The following PTPRD variants were observed in gnomAD, a reference collection of about 807,000 sequenced individuals.
PTPRD encodes the protein receptor-type tyrosine-protein phosphatase delta.
PTPRD carries 34 observed loss-of-function variants against 214.5 expected under a neutral mutation model. The ratio of observed to expected loss-of-function variants is 0.16; its 90% CI spans 0.12 to 0.21. The LOEUF is 0.21. PTPRD is among the 10% of genes least tolerant of loss of function. The pLI, the probability that PTPRD is intolerant of heterozygous loss-of-function variation, is 1.00. For missense variants in PTPRD, 2,545 were observed against 2,398.7 expected, an observed-to-expected ratio of 1.06 and a Z score of -1.27; for synonymous variants, 1,128 against 845.7, an observed-to-expected ratio of 1.33 and a Z score of -5.79.
intron 7 of PTPRD, among the ~76,000 whole-genome samples, chr9:9,699,665 C>T (rs1483091450): frequency 6.6e-6 from 1 of 152,182 alleles, no homozygotes; most frequent in Non-Finnish European, 1.5e-5. Context: ...TTGGTCACAA[C>T]AGCAGGGCTT....
intron 3 of PTPRD, among the ~76,000 whole-genome samples, chr9:10,142,717 C>T (rs368400347): frequency 2.7e-5 from 4 of 148,598 alleles, no homozygotes; most frequent in Non-Finnish European, 6.0e-5. Context: ...GTCAGTGTGG[C>T]GATTCCTCAG....
At chr9:9,493,787 CAAAAAAAAAAAAA>C (rs750252052) in intron 8 of PTPRD, among the ~76,000 whole-genome samples, 3 of 54,466 alleles carry the variant, frequency 5.5e-5, no homozygotes, top group Non-Finnish European at 1.1e-4. Context: ...GACTCCGTCT[CAAAAAAAAAAAAA>C]AAAAAAAAAA....
chr9:10,123,157 C>T (rs915886278), intron 3 of PTPRD, among the ~76,000 whole-genome samples: 8 of 152,196 alleles, frequency 5.3e-5, no homozygotes, highest in African/African-American at 1.9e-4. Flanking sequence ...AGTAGACGTT[C>T]CCTGAAGCAA....
intron 10 of PTPRD, among the ~76,000 whole-genome samples, chr9:9,058,767 A>G (rs1435898221): frequency 6.6e-6 from 1 of 151,946 alleles, no homozygotes; most frequent in Non-Finnish European, 1.5e-5. Flanking sequence ...TTTTTTAAGC[A>G]AAGGAAAAGA....
Position 8,921,494 on chromosome 9 carries a change from AT to A in PTPRD, c.-104+97202del, listed in dbSNP as rs139667595. Reference sequence around the variant, plus strand: ...TATGTATTTTTTCAAAAGTTTTCGCATTTTTTTTTTCTTTTTTGAGACAGAG... The same window carrying A: ...TATGTATTTTTTCAAAAGTTTTCGCATTTTTTTTTCTTTTTTGAGACAGAG... On this transcript the variant is annotated intron_variant, in intron 11 of 45. Coordinates refer to ENST00000381196, the MANE Select transcript of PTPRD (RefSeq NM_002839.4). 1.1e-3 allele frequency among the ~76,000 whole-genome samples: 168 copies of A among 147,812 alleles called. 1 individual carries two copies. The highest frequency in any genetic ancestry group is 7.0e-3 in the Middle Eastern group (2 of 284).
intron 3 of PTPRD, among the ~76,000 whole-genome samples, chr9:10,248,525 A>AG (rs1267463043): frequency 9.5e-5 from 3 of 31,492 alleles, no homozygotes; most frequent in East Asian, 4.7e-3. Context: ...AAAAAAAAAA[A>AG]ATAAAAAAAA....
rs551265793 is a variant in PTPRD at position 8,454,896 on chromosome 9, T to G, written c.3876-5059A>C. The stretch of plus-strand genomic sequence containing the variant: ...ATCACCTATAAAATACTGCCACAAT[T>G]AATTATATCCCAGGAAGTGTTCGAC... On this transcript the variant is annotated intron_variant, in intron 33 of 45. Transcript: ENST00000381196. Among the ~76,000 whole-genome samples, 18 of 152,120 alleles carry G rather than the reference T, an allele frequency of 1.2e-4. 1 individual carries two copies. Among genetic ancestry groups the G allele is most frequent in the African/African-American group, 4.3e-4 (18 of 41,486 alleles).
At chr9:10,368,173 A>G (rs1009284534) in intron 2 of PTPRD, among the ~76,000 whole-genome samples, 4 of 152,144 alleles carry the variant, frequency 2.6e-5, no homozygotes, top group Non-Finnish European at 5.9e-5. Flanking sequence ...ATGTAAGACA[A>G]AAATGATGAG....
chr9:9,761,251 A>C (rs1195352664), intron 6 of PTPRD, among the ~76,000 whole-genome samples: 4 of 152,188 alleles, frequency 2.6e-5, no homozygotes, highest in Non-Finnish European at 5.9e-5. Flanking sequence ...AACTTGGGTG[A>C]ATCTCCAAAA....
intron 9 of PTPRD, among the ~76,000 whole-genome samples, chr9:9,185,667 G>C (rs2099930915): frequency 6.6e-6 from 1 of 152,002 alleles, no homozygotes; most frequent in Non-Finnish European, 1.5e-5. Flanking sequence ...AAAATCCTCA[G>C]GCTCTATTCC....
rs36125474 is a variant in PTPRD at position 9,480,880 on chromosome 9, G to A, written c.-236-83398C>T. On this transcript the variant is annotated intron_variant, in intron 8 of 45. Coordinates refer to ENST00000381196, the MANE Select transcript of PTPRD (RefSeq NM_002839.4). ...AAAGAAGAAAGGACTGCTAAGAGAT[G>A]GAACTGTCAAAGGATTAATCATGCT... is the stretch of plus-strand genomic sequence containing the variant. Among the ~76,000 whole-genome samples, 609 of 152,204 alleles carry A rather than the reference G, an allele frequency of 4.0e-3. 2 individuals are homozygous for A. The highest frequency in any genetic ancestry group is 5.6e-3 in the Non-Finnish European group (383 of 68,000).
chr9:9,251,108 G>C (rs2099975301), intron 9 of PTPRD, among the ~76,000 whole-genome samples: 1 of 151,946 alleles, frequency 6.6e-6, no homozygotes. Flanking sequence ...TCCAGAATCA[G>C]AGAACCAAGG....
At chr9:8,729,163 A>T (rs2098626872) in intron 12 of PTPRD, among the ~76,000 whole-genome samples, 1 of 152,128 alleles carries the variant, frequency 6.6e-6, no homozygotes, top group Admixed American at 6.5e-5. Flanking sequence ...AAATGTATGT[A>T]AGAGGCAACC....
intron 7 of PTPRD, among the ~76,000 whole-genome samples, chr9:9,576,638 T>C (rs2154306673): frequency 6.6e-6 from 1 of 152,304 alleles, no homozygotes; most frequent in East Asian, 1.9e-4. Flanking sequence ...GGTTAAATGT[T>C]AAAAGGTTGA....
At chr9:9,885,623 G>A (rs1054855588) in intron 5 of PTPRD, among the ~76,000 whole-genome samples, 2 of 151,998 alleles carry the variant, frequency 1.3e-5, no homozygotes, top group African/African-American at 2.4e-5. Flanking sequence ...AGAAGGGAGG[G>A]TAGTTTTAGA....
chr9:9,335,723 T>A (rs372584505), intron 9 of PTPRD, among the ~76,000 whole-genome samples: 104 of 152,224 alleles, frequency 6.8e-4, no homozygotes, highest in African/African-American at 2.3e-3. Context: ...CCAAGAAGCA[T>A]AGAAATGAAT....
intron 32 of PTPRD, among the ~76,000 whole-genome samples, chr9:8,461,452 C>T (rs1055281341): frequency 6.6e-6 from 1 of 151,846 alleles, no homozygotes; most frequent in East Asian, 1.9e-4. Flanking sequence ...CTATTTTAGC[C>T]TATATTAGGA....
At chr9:9,905,981 G>C (rs2077476158) in intron 5 of PTPRD, among the ~76,000 whole-genome samples, 1 of 151,854 alleles carries the variant, frequency 6.6e-6, no homozygotes, top group African/African-American at 2.4e-5. Context: ...AAAATTTTAA[G>C]CCAGATGCTC....
At chr9:8,931,649 G>A (rs529408739) in intron 11 of PTPRD, among the ~76,000 whole-genome samples, 10 of 152,144 alleles carry the variant, frequency 6.6e-5, no homozygotes, top group African/African-American at 1.9e-4. Context: ...GAGCAGCCAG[G>A]TTTACGTATC....
Sources: allele counts gnomAD v4.1 joint callset (sites outside exome capture counted in the v4.1 genomes callset), GRCh38; gene constraint gnomAD v4.1.1; transcripts MANE v1.5; gene names NCBI Gene and HGNC (gene_info 2026-07-23, HGNC 2026-07-21).